BUD23: variants seen among roughly 807,000 people sequenced by gnomAD.
The protein encoded by BUD23 is BUD23 rRNA methyltransferase and ribosome maturation factor.
In BUD23, 34 loss-of-function variants were observed where a neutral mutation model predicts 47.0. That is an observed-to-expected ratio of 0.72 (90% CI 0.55 to 0.96). The LOEUF (loss-of-function observed/expected upper bound fraction) is 0.96. Among genes scored for constraint, BUD23 ranks in the 40% least tolerant of loss-of-function variants. The probability of loss-of-function intolerance (pLI) is 0.00; values close to 1 mark genes in which losing one functional copy is unlikely to be tolerated. For synonymous variants in BUD23, 124 were observed against 132.0 expected (o/e 0.94, Z 0.41); for missense variants, 343 against 361.2 (o/e 0.95, Z 0.41).
rs1554613040 is a variant in BUD23, at chr7:73,686,692, A to G, written c.143A>G (p.Tyr48Cys). 4 of 1,613,962 alleles carry G rather than the reference A, an allele frequency of 2.5e-6. No homozygotes were observed. In the South Asian group the frequency reaches 3.3e-5, roughly 13 times the overall value. Reference sequence around the variant, plus strand: ...GCTGGGCGAGCATTGGAGCTTCTTTATCTGCCAGAGAATAAGCCCTGTTAC... The same window carrying G: ...GCTGGGCGAGCATTGGAGCTTCTTTGTCTGCCAGAGAATAAGCCCTGTTAC... The part of the protein sequence containing the change: ...RMAGRALELL[Y>C]LPENKPCYLL... Residue 48 changes from tyrosine (Y) to cysteine (C), a missense_variant, in exon 3 of 12, where the codon TAT becomes TGT. Transcript: ENST00000265758.
At chr7:73,687,893 GGTT>G (rs1320468321) in intron 5 of BUD23, among the ~76,000 whole-genome samples, 98 of 151,562 alleles carry the variant, frequency 6.5e-4, no homozygotes, top group Admixed American at 2.4e-3. Context: ...AGCCAGACGT[GGTT>G]GTTGTTTTTT....
rs781811500 is a variant in BUD23 at position 73,693,428 on chromosome 7, G to T, written c.596+14G>T. The T allele has an allele frequency of 2.7e-5, 44 of 1,613,918 alleles. No individual in the cohort carries two copies. In the Admixed American group the frequency reaches 7.2e-4, roughly 26 times the overall value. On this transcript the variant is annotated intron_variant, in intron 8 of 11. Coordinates refer to ENST00000265758, the MANE Select transcript of BUD23 (RefSeq NM_017528.5). ...CAAAGCAAAGAAGTGAGCGCTGGGG[G>T]CCGGTGTGCTGCCTGGGCTGCAGGA...
chr7:73,691,060 C>G (rs373143044), intron 6 of BUD23, 48 bp downstream of exon 6: 14 of 1,517,688 alleles, frequency 9.2e-6, no homozygotes, highest in Non-Finnish European at 1.3e-5. Flanking sequence ...CTGTCCCTCC[C>G]TAGCACTGCA....
intron 8 of BUD23, 30 bp from the exon 9 acceptor site, chr7:73,693,594 C>T (rs782707027): frequency 6.2e-7 from 1 of 1,614,084 alleles, no homozygotes. Flanking sequence ...TTTCTCCACC[C>T]AACCCTCACT....
Position 73,683,780 on chromosome 7 carries a change from CAG to C in BUD23, c.64_65del (p.Glu22SerfsTer12). 6.2e-7 allele frequency: 1 copy of C among 1,614,190 alleles called. No individual in the cohort carries two copies. Among genetic ancestry groups the C allele is most frequent in the Non-Finnish European group, 8.5e-7 (1 of 1,180,052 alleles). On this transcript the variant is annotated frameshift_variant, in exon 2 of 12. Coordinates refer to ENST00000265758, the MANE Select transcript of BUD23 (RefSeq NM_017528.5). LOFTEE classifies it high-confidence loss of function. ...TCTTTTTCGCAGTTTTATGACGAGA[CAG>C]AAGCCCGGAAATACGTTCGCAAGTG...
chr7:73,696,208 G>A (rs891979619), intron 10 of BUD23: 2 of 152,178 alleles, frequency 1.3e-5, no homozygotes, highest in African/African-American at 4.8e-5. Context: ...TGTTCCTCAC[G>A]TCCACCATAG....
At chr7:73,695,921 T>C (rs1798384908) in intron 10 of BUD23, 1 of 152,260 alleles carries the variant, frequency 6.6e-6, no homozygotes, top group African/African-American at 2.4e-5. Context: ...GTCATACACA[T>C]ACCAGTTGAC....
At position 73,697,592 on chromosome 7, in the gene BUD23, G is replaced by A. The variant is rs782280116; in HGVS notation, c.702-13G>A. 17 of 1,613,536 alleles carry A rather than the reference G, an allele frequency of 1.1e-5. No homozygotes were observed. The South Asian group carries it at 1.9e-4, about 18-fold the overall frequency. On this transcript the variant is annotated splice_polypyrimidine_tract_variant and intron_variant, in intron 10 of 11. Coordinates refer to ENST00000265758, the MANE Select transcript of BUD23 (RefSeq NM_017528.5). ...CAGCTGTCCATCAGCTCATAGCTGTGTCTCCGCCACAGGTTCCCATTAAGG... is the reference window on the plus strand; with the variant it reads ...CAGCTGTCCATCAGCTCATAGCTGTATCTCCGCCACAGGTTCCCATTAAGG...
chr7:73,689,952 G>A (rs1394294755), intron 5 of BUD23, among the ~76,000 whole-genome samples: 3 of 152,142 alleles, frequency 2.0e-5, no homozygotes, highest in African/African-American at 7.2e-5. Flanking sequence ...GGCTCTGTGT[G>A]TGTACAGCAG....
chr7:73,692,810 G>C, intron 7 of BUD23, 164 bp downstream of exon 7: 1 of 647,472 alleles, frequency 1.5e-6, no homozygotes, highest in Non-Finnish European at 2.6e-6. Flanking sequence ...TATCCTAAGG[G>C]GGTGGCATCT....
chr7:73,684,393 T>C, intron 2 of BUD23, among the ~76,000 whole-genome samples: 1 of 150,144 alleles, frequency 6.7e-6, no homozygotes, highest in South Asian at 2.1e-4. Flanking sequence ...ATAAAAAAAT[T>C]AGCCGGGTGT....
chr7:73,683,729 G>T, intron 1 of BUD23, 38 bp from the exon 2 acceptor site: 1 of 1,614,180 alleles, frequency 6.2e-7, no homozygotes, highest in Non-Finnish European at 8.5e-7. Flanking sequence ...CACCGCGTCT[G>T]AATTATTCCT....
At chr7:73,685,064 T>C (rs2116666617) in intron 2 of BUD23, among the ~76,000 whole-genome samples, 1 of 148,886 alleles carries the variant, frequency 6.7e-6, no homozygotes, top group South Asian at 2.2e-4. Flanking sequence ...CCCAGCCCTG[T>C]GGGAGGCGGA....
Position 73,686,991 on chromosome 7 carries a change from T to A in BUD23, c.266-8T>A, listed in dbSNP as rs782211329. ...TCTCTTTCTCTGACTGCCTTTTCTC[T>A]AATGTAGATGAGGCTGTGGACCGAG... On this transcript the variant is annotated splice_polypyrimidine_tract_variant and splice_region_variant and intron_variant, in intron 4 of 11. Coordinates refer to ENST00000265758, the MANE Select transcript of BUD23 (RefSeq NM_017528.5). 3.7e-5 allele frequency: 59 copies of A among 1,614,076 alleles called. No individual in the cohort carries two copies. The highest frequency in any genetic ancestry group is 3.3e-4 in the Middle Eastern group (2 of 6,084).
intron 11 of BUD23, 67 bp from the exon 12 acceptor site, chr7:73,697,765 T>C (rs2116713540): frequency 1.2e-6 from 2 of 1,609,276 alleles, no homozygotes; most frequent in South Asian, 1.1e-5. Context: ...AGCTTCCCTT[T>C]ATTTGAAGGG....
Position 73,685,815 on chromosome 7 carries a change from G to A in BUD23, c.87-821G>A, listed in dbSNP as rs541725085. On this transcript the variant is annotated intron_variant, in intron 2 of 11. Transcript: ENST00000265758. The stretch of plus-strand genomic sequence containing the variant: ...GGTTAAAAATATGACTCCAGAGGCC[G>A]GGCGCGGTGGCTCACGCCTGTAATC... Among the ~76,000 whole-genome samples, 365 of 152,016 alleles carry A rather than the reference G, an allele frequency of 2.4e-3. 1 individual carries two copies. The highest frequency in any genetic ancestry group is 8.4e-3 in the African/African-American group (347 of 41,472).
chr7:73,686,532 G>T, intron 2 of BUD23, 104 bp from the exon 3 acceptor site: 1 of 1,010,746 alleles, frequency 9.9e-7, no homozygotes, highest in Admixed American at 2.2e-5. Context: ...TCCGTTTTTT[G>T]TTTGTTTTTA....
Position 73,687,076 on chromosome 7 carries a change from A to T in BUD23, c.343A>T (p.Thr115Ser). Residue 115 changes from threonine (T) to serine (S), a missense_variant, in exon 5 of 12, where the codon ACA becomes TCA. By Grantham distance (58) the Thr-to-Ser change is moderately conservative. Transcript: ENST00000265758. ...CCAGGGCATCCCATTCAAGCCAGGC[A>T]CATTTGATGGTTGCATCAGGTGAGG... ...MGQGIPFKPG[T>S]FDGCISISAV... The T allele has an allele frequency of 1.2e-6, 2 of 1,613,816 alleles. No individual in the cohort carries two copies. The highest frequency in any genetic ancestry group is 1.7e-6 in the Non-Finnish European group (2 of 1,180,040).
chr7:73,686,537 T>C, intron 2 of BUD23, 99 bp from the exon 3 acceptor site: 1 of 1,093,184 alleles, frequency 9.1e-7, no homozygotes, highest in Non-Finnish European at 1.4e-6. Flanking sequence ...TTTTTGTTTG[T>C]TTTTAACTTG....
Sources: allele counts gnomAD v4.1 joint callset (sites outside exome capture counted in the v4.1 genomes callset), GRCh38; gene constraint gnomAD v4.1.1; transcripts MANE v1.5; gene names NCBI Gene and HGNC (gene_info 2026-07-23, HGNC 2026-07-21).